RUNX2: variants seen among roughly 807,000 people sequenced by gnomAD.
RUNX2 encodes the protein runt-related transcription factor 2.
In RUNX2, 10 loss-of-function variants were observed where a neutral mutation model predicts 51.7. The ratio of observed to expected loss-of-function variants is 0.19; its 90% CI spans 0.12 to 0.33. The LOEUF (loss-of-function observed/expected upper bound fraction) is 0.33, where lower values mean the gene tolerates loss of function less well. RUNX2 is among the 10% of genes least tolerant of loss of function. The pLI is 1.00. For missense variants in RUNX2, 562 were observed against 691.3 expected (o/e 0.81, Z 2.10); for synonymous variants, 276 against 273.6 (o/e 1.01, Z -0.09).
chr6:45,543,263 C>T (rs1307701529), intron 7 of RUNX2, among the ~76,000 whole-genome samples: 1 of 152,168 alleles, frequency 6.6e-6, no homozygotes, highest in African/African-American at 2.4e-5. Flanking sequence ...CATTTTGAAA[C>T]TCTTCGCACC....
chr6:45,508,220 C>CTTTTTTTTTTTTTTTTTT (rs61501897), intron 6 of RUNX2, among the ~76,000 whole-genome samples: 1 of 65,646 alleles, frequency 1.5e-5, no homozygotes, highest in Non-Finnish European at 2.8e-5. Context: ...CTTATATTTC[C>CTTTTTTTTTTTTTTTTTT]TTTTTTTTTT....
At chr6:45,359,632 G>GTA (rs1793879181) in intron 2 of RUNX2, among the ~76,000 whole-genome samples, 1 of 152,102 alleles carries the variant, frequency 6.6e-6, no homozygotes, top group Admixed American at 6.6e-5. Context: ...CATCTAATAA[G>GTA]TATATAGTAA....
chr6:45,336,048 C>T (rs1021074336), intron 2 of RUNX2, among the ~76,000 whole-genome samples: 12 of 151,130 alleles, frequency 7.9e-5, no homozygotes, highest in Admixed American at 3.3e-4. Flanking sequence ...ATCATTAATC[C>T]AACCTCCTTT....
chr6:45,419,122 AT>A lies in RUNX2; in HGVS notation c.59-3465del, dbSNP rs375835860. ...GTAACTTCTTAAATTCAATTCTAGA[AT>A]TTTTTATTTGGAAAGCCCCTCTGGT... On this transcript the variant is annotated intron_variant, in intron 2 of 8. Transcript: ENST00000647337. Among the ~76,000 whole-genome samples the A allele has an allele frequency of 7.0e-3, 1,060 of 152,316 alleles. 18 individuals are homozygous for A. Among genetic ancestry groups the A allele is most frequent in the African/African-American group, 0.024 (1,015 of 41,564 alleles).
intron 7 of RUNX2, among the ~76,000 whole-genome samples, chr6:45,515,231 C>T (rs866409950): frequency 1.3e-5 from 2 of 152,186 alleles, no homozygotes; most frequent in Non-Finnish European, 2.9e-5. Flanking sequence ...TAAAATTCTT[C>T]ACTTCACAGT....
At chr6:45,365,381 A>T (rs1794959720) in intron 2 of RUNX2, 1 of 929,422 alleles carries the variant, frequency 1.1e-6, no homozygotes, top group African/African-American at 1.7e-5. Flanking sequence ...GCAAATATAA[A>T]TTACTTCAAA....
intron 2 of RUNX2, among the ~76,000 whole-genome samples, chr6:45,397,140 G>C (rs1196153601): frequency 6.7e-6 from 1 of 148,466 alleles, no homozygotes; most frequent in Admixed American, 6.8e-5. Flanking sequence ...GTCTCGCTCT[G>C]TCGCCCAGGC....
intron 6 of RUNX2, among the ~76,000 whole-genome samples, chr6:45,503,468 T>C (rs1800858878): frequency 6.6e-6 from 1 of 152,192 alleles, no homozygotes; most frequent in African/African-American, 2.4e-5. Context: ...CCATATCTGA[T>C]TTCCTGGATG....
Position 45,547,445 on chromosome 6 carries a change from A to C in RUNX2, c.*140A>C. On this transcript the variant is annotated 3_prime_UTR_variant, in exon 9 of 9. Coordinates refer to ENST00000647337, the MANE Select transcript of RUNX2 (RefSeq NM_001024630.4). ...CTATTTTTTAGAAGATTTTTCATTC[A>C]CTCACTCAGTCATGATCTTGCAGCC... The C allele has an allele frequency of 1.4e-6, 1 of 738,658 alleles. No individual in the cohort carries two copies. The highest frequency in any genetic ancestry group is 2.4e-6 in the Non-Finnish European group (1 of 425,162). The allele number at this position is 738,658 out of a possible 1,614,324, so 45.8% of individuals were successfully genotyped here.
intron 2 of RUNX2, among the ~76,000 whole-genome samples, chr6:45,361,311 C>A (rs12194311): frequency 0.41 from 62,921 of 151,724 alleles, 13,862 homozygotes; most frequent in Non-Finnish European, 0.5. Context: ...TATTTATCCC[C>A]AAAACTCCCA....
intron 2 of RUNX2, among the ~76,000 whole-genome samples, chr6:45,392,703 A>G (rs996785442): frequency 4.0e-5 from 3 of 74,104 alleles, no homozygotes; most frequent in Admixed American, 1.2e-4. Flanking sequence ...AAATGCCTAG[A>G]TCTATTTTTT....
chr6:45,536,308 CA>C (rs1490866864), intron 7 of RUNX2, among the ~76,000 whole-genome samples: 1 of 152,098 alleles, frequency 6.6e-6, no homozygotes, highest in African/African-American at 2.4e-5. Context: ...CAAAAATAAG[CA>C]TAGGTCCTCA....
At chr6:45,421,851 G>C (rs1225785741) in intron 2 of RUNX2, 1 of 152,152 alleles carries the variant, frequency 6.6e-6, no homozygotes, top group Non-Finnish European at 1.5e-5. Context: ...TTACCTCTTG[G>C]CACCTTGAAG....
At chr6:45,434,009 T>C (rs1475819492) in intron 4 of RUNX2, among the ~76,000 whole-genome samples, 2 of 152,116 alleles carry the variant, frequency 1.3e-5, no homozygotes, top group Non-Finnish European at 2.9e-5. Flanking sequence ...GATGGAGAAA[T>C]TGGTCCAGAC....
In RUNX2 at chr6:45,548,765, G is replaced by A. The variant is rs540154506; in HGVS notation, c.*1460G>A. The A allele has an allele frequency of 1.2e-4, 21 of 178,918 alleles. No individual in the cohort carries two copies. Among genetic ancestry groups the A allele is most frequent in the African/African-American group, 4.7e-4 (20 of 42,738 alleles). The allele number at this position is 178,918 out of a possible 1,614,324, so 11.1% of individuals were successfully genotyped here. On this transcript the variant is annotated 3_prime_UTR_variant, in exon 9 of 9. Transcript: ENST00000647337. ...CAATTATGAGACACCTAGTACAGGAGAGCAAAATTGCACCAGAGATTCTTA... is the reference window on the plus strand; with the variant it reads ...CAATTATGAGACACCTAGTACAGGAAAGCAAAATTGCACCAGAGATTCTTA...
intron 5 of RUNX2, among the ~76,000 whole-genome samples, chr6:45,453,605 CA>C (rs1385603146): frequency 2.6e-5 from 4 of 152,152 alleles, no homozygotes; most frequent in Non-Finnish European, 5.9e-5. Context: ...TTTCAGTGGT[CA>C]GGGCTTTCTA....
chr6:45,352,122 T>C (rs1792189135), intron 2 of RUNX2, among the ~76,000 whole-genome samples: 1 of 152,206 alleles, frequency 6.6e-6, no homozygotes, highest in African/African-American at 2.4e-5. Flanking sequence ...ACCTTTTTTA[T>C]AAGCAAAAGA....
chr6:45,347,344 C>T (rs1791096893), intron 2 of RUNX2, among the ~76,000 whole-genome samples: 1 of 152,058 alleles, frequency 6.6e-6, no homozygotes, highest in East Asian at 1.9e-4. Flanking sequence ...AGATGTATTT[C>T]CTTCTTTCTC....
intron 7 of RUNX2, among the ~76,000 whole-genome samples, chr6:45,524,176 G>C: frequency 6.6e-6 from 1 of 152,068 alleles, no homozygotes; most frequent in East Asian, 1.9e-4. Flanking sequence ...TAAGTAACTT[G>C]GTCTGAGGCA....
Sources: allele counts gnomAD v4.1 joint callset (sites outside exome capture counted in the v4.1 genomes callset), GRCh38; gene constraint gnomAD v4.1.1; transcripts MANE v1.5; gene names NCBI Gene and HGNC (gene_info 2026-07-23, HGNC 2026-07-21).